RBPJ: variants seen among roughly 807,000 people sequenced by gnomAD.
RBPJ encodes recombination signal binding protein for immunoglobulin kappa J region.
RBPJ carries 9 observed loss-of-function variants against 67.8 expected under a neutral mutation model. The ratio of observed to expected loss-of-function variants is 0.13; its 90% CI spans 0.08 to 0.23. The LOEUF is 0.23. RBPJ is among the 10% of genes least tolerant of loss of function. The pLI is 1.00. For missense variants in RBPJ, 305 were observed against 595.6 expected, an observed-to-expected ratio of 0.51 and a Z score of 5.08; for synonymous variants, 198 against 203.3, an observed-to-expected ratio of 0.97 and a Z score of 0.22.
At chr4:26,276,083 T>G (rs1236506176) in intron 1 of RBPJ, among the ~76,000 whole-genome samples, 1 of 151,000 alleles carries the variant, frequency 6.6e-6, no homozygotes, top group Non-Finnish European at 1.5e-5. Flanking sequence ...GAGACCAGCC[T>G]GGCCAACATG....
the RBPJ span, among the ~76,000 whole-genome samples, chr4:26,153,768 C>T: frequency 6.6e-6 from 1 of 152,134 alleles, no homozygotes; most frequent in Non-Finnish European, 1.5e-5. Context: ...ATCATCTTCA[C>T]CATTGTGCAC....
Position 26,193,985 on chromosome 4 carries a change from G to A in RBPJ, c.-167+30371G>A, listed in dbSNP as rs559448080. Reference sequence around the variant, plus strand: ...CCCTCACACATCTTGCTTCCTTTACGTAGGGCAACATTCCCTCTCTCTTCC... The same window carrying A: ...CCCTCACACATCTTGCTTCCTTTACATAGGGCAACATTCCCTCTCTCTTCC... On this transcript the variant is annotated intron_variant, in intron 1 of 4. Coordinates refer to the RBPJ transcript ENST00000512351. Among the ~76,000 whole-genome samples, 72 of 152,132 alleles carry A rather than the reference G, an allele frequency of 4.7e-4. 1 individual carries two copies. The highest frequency in any genetic ancestry group is 1.6e-3 in the African/African-American group (66 of 41,478).
chr4:26,322,682 C>T (rs1328123728), intron 1 of RBPJ, among the ~76,000 whole-genome samples: 2 of 151,522 alleles, frequency 1.3e-5, no homozygotes, highest in African/African-American at 2.4e-5. Context: ...TATACACACA[C>T]ACACGTAATA....
intron 1 of RBPJ, among the ~76,000 whole-genome samples, chr4:26,204,504 T>C (rs1250407310): frequency 1.3e-5 from 2 of 152,220 alleles, no homozygotes; most frequent in African/African-American, 4.8e-5. Context: ...AATGTGCTTA[T>C]GAGCGTGGGT....
chr4:26,175,181 C>T (rs1716750173), intron 1 of RBPJ, among the ~76,000 whole-genome samples: 1 of 152,150 alleles, frequency 6.6e-6, no homozygotes, highest in Non-Finnish European at 1.5e-5. Flanking sequence ...CTTTCTTGGC[C>T]CCAGTTTCAA....
At chr4:26,248,398 T>C (rs1425216554) in intron 1 of RBPJ, among the ~76,000 whole-genome samples, 1 of 152,244 alleles carries the variant, frequency 6.6e-6, no homozygotes, top group African/African-American at 2.4e-5. Context: ...TACAATCATA[T>C]TGTATATAAA....
chr4:26,347,658 G>A (rs1726305721), intron 1 of RBPJ, among the ~76,000 whole-genome samples: 1 of 152,202 alleles, frequency 6.6e-6, no homozygotes, highest in African/African-American at 2.4e-5. Context: ...AACATGGAGA[G>A]TGGGAGTGGA....
intron 1 of RBPJ, among the ~76,000 whole-genome samples, chr4:26,332,437 A>C (rs1724359467): frequency 1.3e-5 from 2 of 152,298 alleles, no homozygotes; most frequent in South Asian, 4.1e-4. Flanking sequence ...TCAGCTGTCC[A>C]CCTAAGCTAC....
At position 26,430,176 on chromosome 4, in the gene RBPJ, T is replaced by G. The variant is rs1423545038; in HGVS notation, c.1044+123T>G. 1.7e-6 allele frequency: 2 copies of G among 1,150,706 alleles called. No individual in the cohort carries two copies. The highest frequency in any genetic ancestry group is 2.4e-5 in the East Asian group (1 of 42,100). The allele number at this position is 1,150,706 out of a possible 1,614,324, so 71.3% of individuals were successfully genotyped here. A position where few individuals can be genotyped will look rare whatever the true frequency, so the allele number is the denominator to read the frequency against. The stretch of plus-strand genomic sequence containing the variant: ...CAATCGTCTGATTAGGGGATTTTTA[T>G]ATACACCATTTGTTGATTTAAAGAA... On this transcript the variant is annotated intron_variant, in intron 9 of 10. Transcript: ENST00000355476. This position sits in a 1 kb window ranked among gnomAD's most constrained non-coding sequence, Gnocchi z 4.1.
rs572585591 is a variant in RBPJ, at chr4:26,288,460, G to A, written c.-166-73986G>A. On this transcript the variant is annotated intron_variant, in intron 1 of 4. Transcript: ENST00000512351. ...TCTGCAATGAGTGATCTAAGAGCAA[G>A]AGCAAGGAGGAAGCCACAATGCATG... Among the ~76,000 whole-genome samples the A allele has an allele frequency of 7.2e-5, 11 of 152,320 alleles. No homozygotes were observed. In the East Asian group the frequency reaches 2.1e-3, roughly 29 times the overall value.
At chr4:26,175,184 A>C (rs1360666171) in intron 1 of RBPJ, among the ~76,000 whole-genome samples, 1 of 152,202 alleles carries the variant, frequency 6.6e-6, no homozygotes, top group African/African-American at 2.4e-5. Flanking sequence ...TCTTGGCCCC[A>C]GTTTCAATCC....
chr4:26,292,768 G>T (rs1721714191), intron 1 of RBPJ, among the ~76,000 whole-genome samples: 1 of 150,192 alleles, frequency 6.7e-6, no homozygotes, highest in Non-Finnish European at 1.5e-5. Flanking sequence ...TTAAAAAACT[G>T]TGGTGTGTGT....
At chr4:26,210,752 C>CTTTCTTTCTTTCTTTCTTTCTTTCT (rs11458584) in intron 1 of RBPJ, among the ~76,000 whole-genome samples, 4 of 47,336 alleles carry the variant, frequency 8.5e-5, no homozygotes, top group Non-Finnish European at 1.2e-4. Flanking sequence ...TCCTTCTTTC[C>CTTTCTTTCTTTCTTTCTTTCTTTCT]TTCTTTCTTT....
intron 1 of RBPJ, among the ~76,000 whole-genome samples, chr4:26,374,443 A>G (rs1227562683): frequency 6.6e-6 from 1 of 150,458 alleles, no homozygotes; most frequent in Non-Finnish European, 1.5e-5. Context: ...GCACTTTACA[A>G]TTCTGTCATA....
At position 26,331,142 on chromosome 4, in the gene RBPJ, G is replaced by A. The variant is rs80320396; in HGVS notation, c.20+10094G>A. Among the ~76,000 whole-genome samples, 565 of 152,282 alleles carry A rather than the reference G, an allele frequency of 3.7e-3. 4 individuals carry two copies. Among genetic ancestry groups the A allele is most frequent in the African/African-American group, 0.013 (539 of 41,560 alleles). On this transcript the variant is annotated intron_variant, in intron 1 of 10. Transcript: ENST00000355476. ...TTTTTGAAACAGGGTTTGCTGTCAC[G>A]TAGGCTAGAATGCAGTGGTGCTGTC... is the stretch of plus-strand genomic sequence containing the variant.
chr4:26,390,404 C>A (rs984954264), intron 2 of RBPJ, among the ~76,000 whole-genome samples: 1 of 151,794 alleles, frequency 6.6e-6, no homozygotes, highest in Non-Finnish European at 1.5e-5. Flanking sequence ...TACTATAAGG[C>A]CAGAAAAAGA....
At chr4:26,317,570 G>C (rs1368142767), upstream of RBPJ, among the ~76,000 whole-genome samples, 4 of 152,156 alleles carry the variant, frequency 2.6e-5, no homozygotes, top group Non-Finnish European at 4.4e-5. Context: ...CACAGACTGC[G>C]GGAAGACAAG....
intron 1 of RBPJ, among the ~76,000 whole-genome samples, chr4:26,177,780 G>GC (rs1716847902): frequency 6.6e-6 from 1 of 152,130 alleles, no homozygotes; most frequent in African/African-American, 2.4e-5. Context: ...ATGCTGAAAA[G>GC]TAAAAAGAAA....
intron 1 of RBPJ, among the ~76,000 whole-genome samples, chr4:26,270,437 G>GAAAGGA (rs757127437): frequency 3.3e-5 from 1 of 30,200 alleles, no homozygotes; most frequent in African/African-American, 7.0e-5. Context: ...AAGAAAGAAA[G>GAAAGGA]AAGAAAGAAA....
Sources: gnomAD v4.1 joint callset for allele counts (sites outside exome capture counted in the v4.1 genomes callset) on GRCh38, gnomAD v4.1.1 for gene constraint, Gnocchi (gnomAD v3.1) non-coding constraint, MANE v1.5 for transcripts, NCBI Gene and HGNC (gene_info 2026-07-23, HGNC 2026-07-21) for gene names.